UQCC1: variants seen among roughly 807,000 people sequenced by gnomAD.
UQCC1 encodes bFGF-repressed Zic-binding protein.
A neutral mutation model predicts 48.0 loss-of-function variants in UQCC1; 38 were observed. That is an observed-to-expected ratio of 0.79 (90% confidence interval 0.61 to 1.04). The LOEUF is 1.04. Ranked by LOEUF, UQCC1 falls within the 50% of genes least tolerant of loss-of-function variation. The probability of loss-of-function intolerance (pLI) is 0.00; values close to 1 mark genes in which losing one functional copy is unlikely to be tolerated. For synonymous variants in UQCC1, 111 were observed against 129.2 expected (o/e 0.86, Z 0.95); for missense variants, 368 against 381.8 (o/e 0.96, Z 0.30).
At chr20:35,383,764 T>C (rs1482289603) in intron 3 of UQCC1, among the ~76,000 whole-genome samples, 1 of 152,054 alleles carries the variant, frequency 6.6e-6, no homozygotes, top group African/African-American at 2.4e-5. Context: ...GGCAGGAGGA[T>C]AGCTCGAGCT....
chr20:35,310,134 C>A (rs1487784051), intron 8 of UQCC1, among the ~76,000 whole-genome samples: 1 of 152,210 alleles, frequency 6.6e-6, no homozygotes, highest in Non-Finnish European at 1.5e-5. Flanking sequence ...TACTTGTTTA[C>A]TATGTCTCTC....
intron 7 of UQCC1, among the ~76,000 whole-genome samples, chr20:35,322,296 G>A (rs773540477): frequency 3.3e-5 from 5 of 152,146 alleles, no homozygotes; most frequent in Non-Finnish European, 7.4e-5. Flanking sequence ...AGTGATGGTC[G>A]TAACAATGAT....
chr20:35,352,650 G>A (rs917032767), intron 6 of UQCC1, among the ~76,000 whole-genome samples: 2 of 151,992 alleles, frequency 1.3e-5, no homozygotes, highest in Non-Finnish European at 2.9e-5. Flanking sequence ...CCTGGTAGAG[G>A]CCTAGGCTAA....
intron 7 of UQCC1, among the ~76,000 whole-genome samples, chr20:35,320,420 A>G (rs2061110364): frequency 6.6e-6 from 1 of 152,262 alleles, no homozygotes; most frequent in East Asian, 1.9e-4. Context: ...TGGGGTCAAG[A>G]TAAGAATACA....
chr20:35,395,889 G>A (rs771860230), intron 1 of UQCC1, among the ~76,000 whole-genome samples: 1 of 152,024 alleles, frequency 6.6e-6, no homozygotes, highest in Non-Finnish European at 1.5e-5. Flanking sequence ...CTCAAGCAGT[G>A]GGCACGGGCT....
At chr20:35,341,080 C>T (rs115501674) in intron 7 of UQCC1, among the ~76,000 whole-genome samples, 1 of 151,484 alleles carries the variant, frequency 6.6e-6, no homozygotes, top group East Asian at 1.9e-4. Flanking sequence ...AAACATTAGC[C>T]GGGTATGGTG....
At chr20:35,370,261 G>C (rs2061716002) in intron 5 of UQCC1, among the ~76,000 whole-genome samples, 1 of 148,300 alleles carries the variant, frequency 6.7e-6, no homozygotes, top group Admixed American at 6.7e-5. Context: ...TGCCCAGGCT[G>C]GTCTTGAACT....
At chr20:35,386,429 A>C (rs2061944425) in intron 2 of UQCC1, 1 of 440,942 alleles carries the variant, frequency 2.3e-6, no homozygotes, top group Admixed American at 2.6e-5. Context: ...GTGGAATGTT[A>C]CTATTTACTT....
chr20:35,362,915 T>A (rs1006205274), intron 6 of UQCC1, among the ~76,000 whole-genome samples: 8 of 151,682 alleles, frequency 5.3e-5, no homozygotes, highest in African/African-American at 1.9e-4. Flanking sequence ...AGGGGTTCCC[T>A]CTCTCAGCCT....
Position 35,304,051 on chromosome 20 carries a change from T to G in UQCC1, c.784A>C (p.Met262Leu), listed in dbSNP as rs374998402. 66 of 1,613,952 alleles carry G rather than the reference T, an allele frequency of 4.1e-5. No individual in the cohort carries two copies. The highest frequency in any genetic ancestry group is 6.7e-5 in the African/African-American group (5 of 74,886). ...GTCAGAAGCAGATCCTCCCCGTTCA[T>G]GGAGTCCAGGTACTGTATCTGCAAC... ...VRKQIQYLDS[M>L]NGEDLLLTGE... The change falls in exon 10 of 10, where the codon ATG becomes CTG. Residue 262 changes from methionine (M) to leucine (L), a missense_variant. Transcript: ENST00000374385.
intron 4 of UQCC1, among the ~76,000 whole-genome samples, chr20:35,380,635 T>G (rs1240743626): frequency 6.6e-6 from 1 of 152,226 alleles, no homozygotes; most frequent in Non-Finnish European, 1.5e-5. Flanking sequence ...TCAGTAAAGC[T>G]TATATATTTT....
In UQCC1 at chr20:35,409,550, A is replaced by C; in HGVS notation, c.24+2390T>G. 1.8e-5 allele frequency: 3 copies of C among 168,742 alleles called. No homozygotes were observed. In the Middle Eastern group the frequency reaches 1.5e-3, roughly 87 times the overall value. 10.5% of individuals were successfully genotyped at this position (168,742 alleles called of 1,614,324 possible). On this transcript the variant is annotated intron_variant, in intron 1 of 9. Transcript: ENST00000374385. ...ACTTTTTTTTAATTTTCTAAAGTAC[A>C]GGGTGGCTTTCTGCAATTTTTACTA...
rs1465494973 is a variant in UQCC1 at position 35,338,944 on chromosome 20, T to G, written c.573+8220A>C. Reference sequence around the variant, plus strand: ...TTCAAAATGCATATACCTGAGCCTCTTCACAGACTCAGAACCGCTGAATAG... The same window carrying G: ...TTCAAAATGCATATACCTGAGCCTCGTCACAGACTCAGAACCGCTGAATAG... On this transcript the variant is annotated intron_variant, in intron 7 of 9. Transcript: ENST00000374385. Among the ~76,000 whole-genome samples the G allele has an allele frequency of 6.1e-5, 8 of 130,756 alleles. No individual in the cohort carries two copies. In the East Asian group the frequency reaches 1.8e-3, roughly 29 times the overall value. 85.8% of individuals were successfully genotyped at this position (130,756 alleles called of 152,430 possible).
At chr20:35,346,417 G>C (rs1002271052) in intron 7 of UQCC1, 1 of 161,708 alleles carries the variant, frequency 6.2e-6, no homozygotes. Flanking sequence ...GCGAGACCAC[G>C]AACCCACTGG....
In UQCC1 at chr20:35,348,776, C is replaced by T. The variant is rs183824496; in HGVS notation, c.465-1504G>A. ...TTAAGGGAGCCTCCTGCCTCAGCCT[C>T]CTGTGTAGCTGAGATTACAGGTGTG... On this transcript the variant is annotated intron_variant, in intron 6 of 9. Coordinates refer to ENST00000374385, the MANE Select transcript of UQCC1 (RefSeq NM_018244.5). Among the ~76,000 whole-genome samples, 778 of 152,302 alleles carry T rather than the reference C, an allele frequency of 5.1e-3. 6 individuals are homozygous for T. Among genetic ancestry groups the T allele is most frequent in the Middle Eastern group, 6.8e-3 (2 of 294 alleles).
At position 35,392,284 on chromosome 20, in the gene UQCC1, G is replaced by C. The variant is rs1426489580; in HGVS notation, c.129+1808C>G. On this transcript the variant is annotated intron_variant, in intron 2 of 9. Transcript: ENST00000374385. Reference sequence around the variant, plus strand: ...AAGTTTCCAACCAGGGGACCTCAAAGATAGGAAGATACTCCAGTAAGTTAC... The same window carrying C: ...AAGTTTCCAACCAGGGGACCTCAAACATAGGAAGATACTCCAGTAAGTTAC... 4 of 1,304,204 alleles carry C rather than the reference G, an allele frequency of 3.1e-6. No individual in the cohort carries two copies. The East Asian group carries it at 1.7e-4, about 54-fold the overall frequency. 80.8% of individuals were successfully genotyped at this position (1,304,204 alleles called of 1,614,324 possible).
chr20:35,404,468 A>C lies in UQCC1; in HGVS notation c.24+7472T>G, dbSNP rs1447802121. Among the ~76,000 whole-genome samples the C allele has an allele frequency of 4.6e-5, 7 of 151,938 alleles. 1 individual carries two copies. The highest frequency in any genetic ancestry group is 4.6e-4 in the Admixed American group (7 of 15,256). ...GGCAGGAGAATGGCGTGAACCCGGG[A>C]GGTGGAGCTTGCAGTGAGCTGAGAT... On this transcript the variant is annotated intron_variant, in intron 1 of 9. Coordinates refer to ENST00000374385, the MANE Select transcript of UQCC1 (RefSeq NM_018244.5).
At chr20:35,341,235 A>AAAAG (rs903993886) in intron 7 of UQCC1, among the ~76,000 whole-genome samples, 25 of 148,430 alleles carry the variant, frequency 1.7e-4, no homozygotes, top group Middle Eastern at 3.5e-3. Flanking sequence ...AAAAAAAAAA[A>AAAAG]AAAGAAAGAA....
intron 8 of UQCC1, among the ~76,000 whole-genome samples, chr20:35,313,646 T>C (rs4911486): frequency 0.94 from 143,089 of 152,226 alleles, 67,387 homozygotes; most frequent in East Asian, 1. Context: ...CCAAGTCTCA[T>C]TCTGTTGCCC....
Sources: allele counts gnomAD v4.1 joint callset (sites outside exome capture counted in the v4.1 genomes callset), GRCh38; gene constraint gnomAD v4.1.1; transcripts MANE v1.5; gene names NCBI Gene and HGNC (gene_info 2026-07-23, HGNC 2026-07-21).